Variants in NDRG3 observed in about 807,000 individuals in gnomAD.
The protein encoded by NDRG3 is protein NDRG3.
A neutral mutation model predicts 57.2 loss-of-function variants in NDRG3; 23 were observed. The ratio of observed to expected loss-of-function variants is 0.40; its 90% CI spans 0.29 to 0.57. NDRG3 has a LOEUF of 0.57. Ranked by LOEUF, NDRG3 falls within the 20% of genes least tolerant of loss-of-function variation. NDRG3 has a pLI of 0.42. For missense variants in NDRG3, 384 were observed against 457.3 expected, an observed-to-expected ratio of 0.84 and a Z score of 1.46; for synonymous variants, 132 against 162.6, an observed-to-expected ratio of 0.81 and a Z score of 1.43.
At chr20:36,696,594 A>T (rs568405009) in intron 3 of NDRG3, among the ~76,000 whole-genome samples, 1 of 151,996 alleles carries the variant, frequency 6.6e-6, no homozygotes, top group Non-Finnish European at 1.5e-5. Context: ...CCCGGGTTCA[A>T]GTGATTCCCC....
At chr20:36,685,356 G>C (rs1981691749) in intron 5 of NDRG3, among the ~76,000 whole-genome samples, 2 of 151,562 alleles carry the variant, frequency 1.3e-5, no homozygotes, top group Admixed American at 1.3e-4. Flanking sequence ...TGTCACCCAG[G>C]CTGGAGTGCA....
chr20:36,733,171 A>AAAAATATATAT (rs1555807709), intron 1 of NDRG3, among the ~76,000 whole-genome samples: 9 of 33,202 alleles, frequency 2.7e-4, no homozygotes, highest in Non-Finnish European at 4.4e-4. Flanking sequence ...AAAAAAAAAA[A>AAAAATATATAT]ATATATATAT....
At chr20:36,702,832 G>C (rs916335673) in intron 3 of NDRG3, among the ~76,000 whole-genome samples, 5 of 152,088 alleles carry the variant, frequency 3.3e-5, no homozygotes, top group Non-Finnish European at 7.4e-5. Flanking sequence ...GGGATTACAG[G>C]CATGCACATG....
intron 3 of NDRG3, chr20:36,700,377 G>A (rs376725691): frequency 3.1e-5 from 15 of 477,184 alleles, no homozygotes; most frequent in African/African-American, 3.0e-4. Context: ...CATTTTCAAA[G>A]TATGTGAATG....
intron 1 of NDRG3, among the ~76,000 whole-genome samples, chr20:36,726,781 A>G (rs1260558639): frequency 1.3e-5 from 2 of 152,258 alleles, no homozygotes; most frequent in Non-Finnish European, 2.9e-5. Flanking sequence ...CTTCAAATTA[A>G]GGAAATGAAT....
intron 4 of NDRG3, 124 bp from the exon 5 acceptor site, chr20:36,687,736 G>A: frequency 3.6e-6 from 4 of 1,125,382 alleles, no homozygotes; most frequent in Non-Finnish European, 4.9e-6. Flanking sequence ...CCAAAGTGAG[G>A]TGTCTGAACA....
At chr20:36,739,133 TCAAAAA>T (rs1985773363) in intron 1 of NDRG3, among the ~76,000 whole-genome samples, 5 of 31,526 alleles carry the variant, frequency 1.6e-4, no homozygotes, top group African/African-American at 5.2e-4. Context: ...AGACCCCATC[TCAAAAA>T]AAAAAAAAAA....
intron 3 of NDRG3, among the ~76,000 whole-genome samples, chr20:36,693,107 T>A (rs6071917): frequency 0.081 from 1,287 of 15,982 alleles, 22 homozygotes; most frequent in Admixed American, 0.11. Context: ...AAAAAAAAAA[T>A]ATATATATAT....
At chr20:36,726,135 A>C (rs1984919084) in intron 1 of NDRG3, among the ~76,000 whole-genome samples, 1 of 152,046 alleles carries the variant, frequency 6.6e-6, no homozygotes, top group Non-Finnish European at 1.5e-5. Context: ...TGTTGTCCAG[A>C]CTACTCTTGA....
chr20:36,673,321 T>C lies in NDRG3; in HGVS notation c.532-1924A>G, dbSNP rs1980348519. ...ATTTAGAATCTAGTTTGCTGATGAC[T>C]AGAATATTTTAAGTTTTAATAAAAA... is the stretch of plus-strand genomic sequence containing the variant. On this transcript the variant is annotated intron_variant, in intron 8 of 15. Coordinates refer to ENST00000349004, the MANE Select transcript of NDRG3 (RefSeq NM_032013.4). 3.3e-5 allele frequency among the ~76,000 whole-genome samples: 5 copies of C among 152,194 alleles called. No individual in the cohort carries two copies. In the South Asian group the frequency reaches 1.0e-3, roughly 31 times the overall value.
intron 1 of NDRG3, among the ~76,000 whole-genome samples, chr20:36,727,927 G>A (rs140674182): frequency 4.6e-5 from 7 of 152,262 alleles, no homozygotes; most frequent in South Asian, 2.1e-4. Flanking sequence ...AGCCAGGAGC[G>A]GTAGCATGCA....
At chr20:36,700,637 C>T in intron 3 of NDRG3, 1 of 362,360 alleles carries the variant, frequency 2.8e-6, no homozygotes, top group Non-Finnish European at 5.5e-6. Flanking sequence ...CCAGTTATCT[C>T]ATCTCCCACC....
At chr20:36,693,127 TATATATATATATATACAC>T (rs1162254126) in intron 3 of NDRG3, among the ~76,000 whole-genome samples, 4 of 65,600 alleles carry the variant, frequency 6.1e-5, no homozygotes, top group African/African-American at 2.5e-4. Context: ...TATATATATA[TATATATATATATATACAC>T]ACACACACAT....
chr20:36,696,715 TC>T (rs1437823127), intron 3 of NDRG3, among the ~76,000 whole-genome samples: 1 of 150,232 alleles, frequency 6.7e-6, no homozygotes, highest in East Asian at 2.0e-4. Flanking sequence ...ATGGTCTCGA[TC>T]CCCTGACCTC....
intron 3 of NDRG3, among the ~76,000 whole-genome samples, chr20:36,696,471 G>A (rs373627727): frequency 5.9e-5 from 9 of 151,670 alleles, no homozygotes; most frequent in South Asian, 4.2e-4. Context: ...GTGAGCCACC[G>A]CGTGTGGCCT....
chr20:36,742,068 C>T (rs764875558), intron 1 of NDRG3, among the ~76,000 whole-genome samples: 3 of 152,134 alleles, frequency 2.0e-5, no homozygotes, highest in Non-Finnish European at 4.4e-5. Context: ...AAGTCAAAAC[C>T]CAAAGTGGTC....
chr20:36,654,835 C>T lies in NDRG3; in HGVS notation c.947-1134G>A, dbSNP rs375033768. ...TGCTCAGGTGACTGAGCTGCACATA[C>T]GGGACTGGAAGCAGGATGGACACAG... On this transcript the variant is annotated intron_variant, in intron 15 of 15. Coordinates refer to ENST00000349004, the MANE Select transcript of NDRG3 (RefSeq NM_032013.4). The T allele has an allele frequency of 4.1e-4, 316 of 779,686 alleles. No homozygotes were observed. The Middle Eastern group carries it at 4.7e-3, about 12-fold the overall frequency. The allele number at this position is 779,686 out of a possible 1,614,324, so 48.3% of individuals were successfully genotyped here.
At chr20:36,692,514 G>A (rs1316589480) in intron 3 of NDRG3, among the ~76,000 whole-genome samples, 7 of 152,026 alleles carry the variant, frequency 4.6e-5, no homozygotes, top group Non-Finnish European at 8.8e-5. Context: ...GTGAGCCACC[G>A]TGCCCCACAA....
intron 1 of NDRG3, among the ~76,000 whole-genome samples, chr20:36,725,510 G>T (rs1259621503): frequency 6.6e-6 from 1 of 150,748 alleles, no homozygotes; most frequent in South Asian, 2.1e-4. Flanking sequence ...GCTGAGGCAG[G>T]AGAATCGCTT....
Sources: gnomAD v4.1 joint callset for allele counts (sites outside exome capture counted in the v4.1 genomes callset) on GRCh38, gnomAD v4.1.1 for gene constraint, MANE v1.5 for transcripts, NCBI Gene and HGNC (gene_info 2026-07-23, HGNC 2026-07-21) for gene names.